Variants in OTOF observed in about 807,000 individuals in gnomAD.
The protein encoded by OTOF is otoferlin.
In OTOF, 218 loss-of-function variants were observed where a neutral mutation model predicts 236.8. That is an observed-to-expected ratio of 0.92 (90% CI 0.82 to 1.03). OTOF has a LOEUF of 1.03. OTOF is among the 50% of genes least tolerant of loss of function. OTOF has a pLI of 0.00. For synonymous variants in OTOF, 1,041 were observed against 1,072.5 expected, an observed-to-expected ratio of 0.97 and a Z score of 0.57; for missense variants, 2,590 against 2,694.4, an observed-to-expected ratio of 0.96 and a Z score of 0.86.
Position 26,474,589 on chromosome 2 carries a change from G to A in OTOF, c.3212C>T (p.Pro1071Leu), listed in dbSNP as rs776904407. The change falls in exon 26 of 47, where the codon CCT (proline) becomes CTT (leucine). Residue 1071 changes from proline to leucine, a missense_variant. Pro to Leu is a moderately conservative substitution (Grantham distance 98). This residue lies in a region of OTOF where 1,211 missense variants were observed against 1,352.8 expected (regional missense o/e 0.90). Coordinates refer to ENST00000272371, the MANE Select transcript of OTOF (RefSeq NM_194248.3). Reference protein sequence around the residue: ...DEAYCPPRFPPQLEYYQIYRG... With the variant: ...DEAYCPPRFPLQLEYYQIYRG... Reference sequence around the variant, plus strand: ...GTAGATCTGGTAGTACTCGAGCTGAGGTGGGAAGCGGGGTGGGCAGTACGC... The same window carrying A: ...GTAGATCTGGTAGTACTCGAGCTGAAGTGGGAAGCGGGGTGGGCAGTACGC... 1 of 1,613,310 alleles carries A rather than the reference G, an allele frequency of 6.2e-7. No homozygotes were observed. The highest frequency in any genetic ancestry group is 1.1e-5 in the South Asian group (1 of 91,086).
rs746614658 is a variant in OTOF, at chr2:26,474,131, G to A, written c.3289-21C>T. On this transcript the variant is annotated intron_variant, in intron 26 of 46. Coordinates refer to ENST00000272371, the MANE Select transcript of OTOF (RefSeq NM_194248.3). ...CCAATCTGGGGAATGGGGGTCACAG[G>A]TCACACACTGGGGAGCCCAGGGACA... 11 of 1,612,614 alleles carry A rather than the reference G, an allele frequency of 6.8e-6. No homozygotes were observed. In the East Asian group the frequency reaches 2.2e-4, roughly 33 times the overall value.
At chr2:26,546,182 C>G (rs769976776) in intron 1 of OTOF, among the ~76,000 whole-genome samples, 1 of 152,156 alleles carries the variant, frequency 6.6e-6, no homozygotes, top group Non-Finnish European at 1.5e-5. Context: ...AAACCATGGC[C>G]AGGCGAAGTG....
Position 26,482,943 on chromosome 2 carries a change from G to A in OTOF, c.1393-351C>T, listed in dbSNP as rs1312611578. Among the ~76,000 whole-genome samples, 3 of 149,598 alleles carry A rather than the reference G, an allele frequency of 2.0e-5. No individual in the cohort carries two copies. The East Asian group carries it at 6.0e-4, about 30-fold the overall frequency. ...TGTGAGTGGGTGCATGTATGTATTC[G>A]TGGGTGCATGTGTGCACGTGTGAGT... On this transcript the variant is annotated intron_variant, in intron 13 of 46. Transcript: ENST00000272371.
chr2:26,537,286 G>A (rs371891698), intron 2 of OTOF, among the ~76,000 whole-genome samples: 2 of 152,122 alleles, frequency 1.3e-5, no homozygotes, highest in South Asian at 2.1e-4. Flanking sequence ...CTCAGTGCCC[G>A]GGGCTGCCCT....
Position 26,467,310 on chromosome 2 carries a change from GC to G in OTOF, c.4227+54del, listed in dbSNP as rs1223426163. The G allele has an allele frequency of 5.0e-6, 8 of 1,613,286 alleles. No individual in the cohort carries two copies. The Admixed American group carries it at 1.3e-4, about 27-fold the overall frequency. On this transcript the variant is annotated intron_variant, in intron 34 of 46. Transcript: ENST00000272371. ...CCTGCCCCACCTGCAGGATCACTGC[GC>G]CCCCCTCTTCCCGCCCCCACACACC...
At position 26,480,995 on chromosome 2, in the gene OTOF, G is replaced by A. The variant is rs746214256; in HGVS notation, c.1594C>T (p.Leu532=). 1 of 1,612,770 alleles carries A rather than the reference G, an allele frequency of 6.2e-7. No homozygotes were observed. The highest frequency in any genetic ancestry group is 8.5e-7 in the Non-Finnish European group (1 of 1,179,928). Residue 532 remains leucine (L), a synonymous_variant, in exon 15 of 47, where the codon CTG becomes TTG. Transcript: ENST00000272371. The part of the protein sequence containing the change: ...NDGDKGFLPT[L]GPAWVNMYGS... ...TACATGTTCACCCAGGCTGGGCCCA[G>A]TGTGGGCAGGAAGCCTGTGGCAGTG...
At chr2:26,498,334 C>T (rs1007957084) in intron 8 of OTOF, among the ~76,000 whole-genome samples, 8 of 152,176 alleles carry the variant, frequency 5.3e-5, no homozygotes, top group African/African-American at 1.9e-4. Context: ...TGAAGGGCAG[C>T]CCCGAGAGGA....
chr2:26,475,073 G>A (rs1304255134), intron 25 of OTOF, among the ~76,000 whole-genome samples: 6 of 152,056 alleles, frequency 3.9e-5, no homozygotes. Flanking sequence ...GGAGCCCTGG[G>A]GTGGGGAGGC....
At chr2:26,502,710 G>C (rs1337332025) in intron 6 of OTOF, among the ~76,000 whole-genome samples, 1 of 152,170 alleles carries the variant, frequency 6.6e-6, no homozygotes, top group Non-Finnish European at 1.5e-5. Flanking sequence ...GAAGAAGGTA[G>C]GGAATAAAGA....
chr2:26,482,699 A>C (rs1178754488), intron 13 of OTOF, 107 bp from the exon 14 acceptor site: 2 of 849,398 alleles, frequency 2.4e-6, no homozygotes, highest in Non-Finnish European at 3.6e-6. Flanking sequence ...ACATGTGTGC[A>C]TGTGTGAGTG....
chr2:26,538,629 G>C (rs1667135151), intron 1 of OTOF, among the ~76,000 whole-genome samples: 1 of 152,140 alleles, frequency 6.6e-6, no homozygotes, highest in Non-Finnish European at 1.5e-5. Flanking sequence ...CCATCGTGTG[G>C]GAAACACCAG....
rs752854022 is a variant in OTOF, at chr2:26,473,586, T to G, written c.3409-19A>C. 6.3e-7 allele frequency: 1 copy of G among 1,590,980 alleles called. No individual in the cohort carries two copies. The highest frequency in any genetic ancestry group is 1.7e-5 in the Admixed American group (1 of 59,182). On this transcript the variant is annotated intron_variant, in intron 27 of 46. Coordinates refer to ENST00000272371, the MANE Select transcript of OTOF (RefSeq NM_194248.3). This position sits in a 1 kb window ranked among gnomAD's most constrained non-coding sequence, Gnocchi z 7.2. Reference sequence around the variant, plus strand: ...ACAGCACCTGGGAGAGGTTGGAGGGTGGGTGCAGAGAAGAGAGCCCCTTAG... The same window carrying G: ...ACAGCACCTGGGAGAGGTTGGAGGGGGGGTGCAGAGAAGAGAGCCCCTTAG...
intron 9 of OTOF, among the ~76,000 whole-genome samples, chr2:26,492,136 G>A (rs903561062): frequency 1.3e-5 from 2 of 152,334 alleles, no homozygotes; most frequent in East Asian, 3.9e-4. Context: ...CTGATTTGGG[G>A]CTGGAAGGAA....
At chr2:26,538,485 C>T (rs541823783) in intron 1 of OTOF, among the ~76,000 whole-genome samples, 1 of 152,250 alleles carries the variant, frequency 6.6e-6, no homozygotes, top group Non-Finnish European at 1.5e-5. Context: ...CAGGCTCCCC[C>T]ATCCATACGC....
chr2:26,467,473 C>T lies in OTOF; in HGVS notation c.4119G>A (p.Glu1373=). 1 of 1,614,098 alleles carries T rather than the reference C, an allele frequency of 6.2e-7. No individual in the cohort carries two copies. Among genetic ancestry groups the T allele is most frequent in the Non-Finnish European group, 8.5e-7 (1 of 1,179,998 alleles). The change falls in exon 34 of 47, where the codon GAG becomes GAA. Residue 1373 remains glutamate (E), a synonymous_variant. Transcript: ENST00000272371. ...TCTCCTCTTTGGCAGCCCTTGCCTT[C>T]TCCTTGCCCTTCATTGACCCCTTCA... The part of the protein sequence containing the change: ...EGLKGSMKGK[E]KARAAKEEKK...
Position 26,463,027 on chromosome 2 carries a change from A to G in OTOF, c.5192+456T>C, listed in dbSNP as rs547256314. Among the ~76,000 whole-genome samples the G allele has an allele frequency of 1.2e-4, 18 of 152,310 alleles. No individual in the cohort carries two copies. The South Asian group carries it at 3.7e-3, about 32-fold the overall frequency. ...GGCACTCCAAAGAAAACTTGGCGGA[A>G]CATCACACTAGCCTGGATGTGAGGA... On this transcript the variant is annotated intron_variant, in intron 41 of 46. Coordinates refer to ENST00000272371, the MANE Select transcript of OTOF (RefSeq NM_194248.3).
chr2:26,481,704 G>A (rs1665544945), intron 14 of OTOF, among the ~76,000 whole-genome samples: 1 of 152,072 alleles, frequency 6.6e-6, no homozygotes, highest in South Asian at 2.1e-4. Flanking sequence ...TACTTCCAGA[G>A]CAGTTCCACC....
At chr2:26,482,724 T>G in intron 13 of OTOF, 132 bp from the exon 14 acceptor site, 1 of 706,424 alleles carries the variant, frequency 1.4e-6, no homozygotes. Flanking sequence ...TGCATGCGTG[T>G]GTGAGTGGAT....
intron 5 of OTOF, among the ~76,000 whole-genome samples, chr2:26,505,386 C>T (rs751745006): frequency 5.3e-5 from 8 of 151,380 alleles, no homozygotes; most frequent in Non-Finnish European, 1.2e-4. Flanking sequence ...TCAAAAGCTT[C>T]CTCCCTTCTG....
Sources: gnomAD v4.1 joint callset for allele counts (sites outside exome capture counted in the v4.1 genomes callset) on GRCh38, gnomAD v4.1.1 for gene constraint, gnomAD v4.1.1 regional missense constraint, Gnocchi (gnomAD v3.1) non-coding constraint, MANE v1.5 for transcripts, NCBI Gene and HGNC (gene_info 2026-07-23, HGNC 2026-07-21) for gene names.